The following CTCF variants were observed in gnomAD, a reference collection of about 807,000 sequenced individuals.
CTCF encodes CCCTC-binding factor, also known as transcriptional repressor CTCF.
A neutral mutation model predicts 72.3 loss-of-function variants in CTCF; 7 were observed. The observed-to-expected ratio is 0.10, with a 90% confidence interval of 0.06 to 0.18. CTCF has a LOEUF of 0.18. Among genes scored for constraint, CTCF ranks in the 10% least tolerant of loss-of-function variants. CTCF has a pLI of 1.00. For missense variants in CTCF, 516 were observed against 949.1 expected (o/e 0.54, Z 6.00); for synonymous variants, 374 against 315.8 (o/e 1.18, Z -1.95).
chr16:67,569,489 T>TTTTCTTTCTTTC, intron 1 of CTCF, among the ~76,000 whole-genome samples: 2 of 152,028 alleles, frequency 1.3e-5, no homozygotes, highest in East Asian at 3.9e-4. Context: ...TGGCCTGGGA[T>TTTTCTTTCTTTC]TTTCTTTCTT....
intron 2 of CTCF, among the ~76,000 whole-genome samples, chr16:67,591,686 T>G (rs1190338185): frequency 2.6e-5 from 4 of 152,032 alleles, no homozygotes; most frequent in African/African-American, 9.7e-5. Context: ...ACTTAGCTTT[T>G]CCTTTCATCC....
chr16:67,596,023 G>A (rs754401017), intron 2 of CTCF, among the ~76,000 whole-genome samples: 4 of 150,966 alleles, frequency 2.6e-5, no homozygotes, highest in African/African-American at 4.9e-5. Context: ...GCATACTTTC[G>A]GCTCACTGCA....
At position 67,590,960 on chromosome 16, in the gene CTCF, CAAAAAAAAAA is replaced by C. The variant is rs58183374; in HGVS notation, c.-10+19710_-10+19719del. Among the ~76,000 whole-genome samples the C allele has an allele frequency of 8.7e-4, 48 of 55,134 alleles. No individual in the cohort carries two copies. In the South Asian group the frequency reaches 0.019, roughly 22 times the overall value. 36.2% of individuals were successfully genotyped at this position (55,134 alleles called of 152,430 possible). A position where few individuals can be genotyped will look rare whatever the true frequency, so the allele number is the denominator to read the frequency against. ...TGGATGACAGAGTGAGACTCTGTCT[CAAAAAAAAAA>C]AAAAAAAAAAAAATGCTGGACTGGG... On this transcript the variant is annotated intron_variant, in intron 2 of 11. Transcript: ENST00000264010.
intron 1 of CTCF, among the ~76,000 whole-genome samples, 192 bp downstream of exon 1, chr16:67,562,916 C>A (rs1245679046): frequency 1.5e-5 from 2 of 131,110 alleles, no homozygotes; most frequent in Non-Finnish European, 3.2e-5. Flanking sequence ...GCCCCCCCCA[C>A]CCCCACGCCC....
intron 4 of CTCF, chr16:67,614,561 C>T (rs111741307): frequency 0.014 from 2,156 of 151,854 alleles, 22 homozygotes; most frequent in Non-Finnish European, 0.023. Context: ...GCCAGGTGGC[C>T]GGGTGTGGTG....
chr16:67,589,629 C>G (rs926913201), intron 2 of CTCF, among the ~76,000 whole-genome samples: 1 of 152,146 alleles, frequency 6.6e-6, no homozygotes, highest in Non-Finnish European at 1.5e-5. Context: ...AAGGAGCTCC[C>G]TAAGAACTGA....
chr16:67,574,615 T>G (rs946129986), intron 2 of CTCF, among the ~76,000 whole-genome samples: 2 of 151,280 alleles, frequency 1.3e-5, no homozygotes, highest in Non-Finnish European at 2.9e-5. Flanking sequence ...GTGCTGGGAT[T>G]ACAGGCATGA....
intron 8 of CTCF, among the ~76,000 whole-genome samples, chr16:67,628,092 C>A (rs149622465): frequency 7.2e-5 from 11 of 151,790 alleles, no homozygotes; most frequent in African/African-American, 2.7e-4. Context: ...GAGACTCCGT[C>A]TCAAAAAAAA....
intron 2 of CTCF, among the ~76,000 whole-genome samples, chr16:67,590,390 C>G (rs1262006561): frequency 6.6e-6 from 1 of 151,934 alleles, no homozygotes; most frequent in Non-Finnish European, 1.5e-5. Context: ...AGATTGTTAA[C>G]AAAATACTAG....
chr16:67,637,165 C>T (rs939830652), intron 11 of CTCF, among the ~76,000 whole-genome samples: 8 of 152,068 alleles, frequency 5.3e-5, no homozygotes, highest in African/African-American at 1.4e-4. Context: ...AGAATGGATG[C>T]GGTAATGAAT....
At chr16:67,564,932 T>A (rs1444685760) in intron 1 of CTCF, among the ~76,000 whole-genome samples, 1 of 152,204 alleles carries the variant, frequency 6.6e-6, no homozygotes, top group Non-Finnish European at 1.5e-5. Context: ...CATGCTTTGT[T>A]TTGTTTTTAT....
chr16:67,593,103 A>G (rs1036923422), intron 2 of CTCF, among the ~76,000 whole-genome samples: 17 of 149,138 alleles, frequency 1.1e-4, no homozygotes, highest in African/African-American at 3.9e-4. Context: ...TCTTTTTTAT[A>G]TTTTAATATA....
At chr16:67,588,966 C>G (rs189039627) in intron 2 of CTCF, among the ~76,000 whole-genome samples, 2 of 152,056 alleles carry the variant, frequency 1.3e-5, no homozygotes, top group East Asian at 3.9e-4. Context: ...GCTGGGATTA[C>G]AGGCGTGAGC....
chr16:67,565,498 C>T (rs1424747040), intron 1 of CTCF, among the ~76,000 whole-genome samples: 1 of 151,736 alleles, frequency 6.6e-6, no homozygotes, highest in Non-Finnish European at 1.5e-5. Flanking sequence ...CACAGTGAAA[C>T]CCTGTCTCTA....
At chr16:67,564,317 G>C (rs759479996) in intron 1 of CTCF, among the ~76,000 whole-genome samples, 1 of 152,242 alleles carries the variant, frequency 6.6e-6, no homozygotes, top group Non-Finnish European at 1.5e-5. Flanking sequence ...AGAGAAGAAA[G>C]TCTGGATTAA....
At chr16:67,606,108 T>C (rs957384282) in intron 2 of CTCF, among the ~76,000 whole-genome samples, 2 of 152,214 alleles carry the variant, frequency 1.3e-5, no homozygotes. Flanking sequence ...GGTATTTTGT[T>C]ATTCAAGACC....
At chr16:67,601,369 C>T (rs1401087745) in intron 2 of CTCF, among the ~76,000 whole-genome samples, 2 of 150,518 alleles carry the variant, frequency 1.3e-5, no homozygotes, top group Admixed American at 6.7e-5. Flanking sequence ...GACGGAGTCT[C>T]ACTCTGTCAC....
intron 2 of CTCF, among the ~76,000 whole-genome samples, chr16:67,571,727 T>C (rs1330445446): frequency 6.6e-6 from 1 of 152,196 alleles, no homozygotes; most frequent in East Asian, 1.9e-4. Flanking sequence ...TGGAATCCTG[T>C]TCTTGGGGAA....
At chr16:67,622,641 CT>C (rs555584618) in intron 7 of CTCF, among the ~76,000 whole-genome samples, 4,273 of 130,914 alleles carry the variant, frequency 0.033, 48 homozygotes, top group Middle Eastern at 0.12. Flanking sequence ...CCTACTCTTA[CT>C]TTTTTTTTTT....
Sources: gnomAD v4.1 joint callset for allele counts (sites outside exome capture counted in the v4.1 genomes callset) on GRCh38, gnomAD v4.1.1 for gene constraint, MANE v1.5 for transcripts, NCBI Gene and HGNC (gene_info 2026-07-23, HGNC 2026-07-21) for gene names.